ALX4: variants seen among roughly 807,000 people sequenced by gnomAD.
The protein encoded by ALX4 is ALX homeobox 4.
A neutral mutation model predicts 40.6 loss-of-function variants in ALX4; 22 were observed. The ratio of observed to expected loss-of-function variants is 0.54; its 90% CI spans 0.39 to 0.77. The LOEUF (loss-of-function observed/expected upper bound fraction) is 0.77, where lower values mean the gene tolerates loss of function less well. Ranked by LOEUF, ALX4 falls within the 30% of genes least tolerant of loss-of-function variation. The pLI is 0.00. For synonymous variants in ALX4, 266 were observed against 240.5 expected (o/e 1.11, Z -0.98); for missense variants, 556 against 564.8 (o/e 0.98, Z 0.16).
chr11:44,282,783 G>T lies in ALX4; in HGVS notation c.467-7125C>A, dbSNP rs1315915264. Among the ~76,000 whole-genome samples, 3 of 151,298 alleles carry T rather than the reference G, an allele frequency of 2.0e-5. No homozygotes were observed. The East Asian group carries it at 5.8e-4, about 29-fold the overall frequency. Reference sequence around the variant, plus strand: ...TGAATTCTGGGAAAGGCAAAACTACGGGGACTCTAGGCAACAGATCACTGG... The same window carrying T: ...TGAATTCTGGGAAAGGCAAAACTACTGGGACTCTAGGCAACAGATCACTGG... On this transcript the variant is annotated intron_variant, in intron 1 of 3. Coordinates refer to ENST00000652299, the MANE Select transcript of ALX4 (RefSeq NM_021926.4).
intron 1 of ALX4, among the ~76,000 whole-genome samples, chr11:44,295,066 G>A (rs1195018969): frequency 2.0e-5 from 3 of 152,044 alleles, no homozygotes; most frequent in Non-Finnish European, 4.4e-5. Flanking sequence ...GGCCAGGCTG[G>A]TCTCAAACTC....
At position 44,292,960 on chromosome 11, in the gene ALX4, G is replaced by A. The variant is rs758906824; in HGVS notation, c.466+16637C>T. ...AAAAAAATTTTTAAATTAGCTGGGC[G>A]TGGTGGCACAAGCCTGTAGTCCCAG... On this transcript the variant is annotated intron_variant, in intron 1 of 3. Transcript: ENST00000652299. 1.9e-3 allele frequency among the ~76,000 whole-genome samples: 291 copies of A among 151,826 alleles called. 1 individual carries two copies. Among genetic ancestry groups the A allele is most frequent in the Non-Finnish European group, 3.0e-3 (201 of 67,930 alleles).
intron 1 of ALX4, among the ~76,000 whole-genome samples, chr11:44,304,198 C>T (rs1391122303): frequency 1.3e-5 from 2 of 152,240 alleles, no homozygotes; most frequent in African/African-American, 4.8e-5. Context: ...ACTGTCACCT[C>T]GGTGAGGACC....
intron 1 of ALX4, among the ~76,000 whole-genome samples, chr11:44,295,573 C>A (rs932048872): frequency 6.6e-6 from 1 of 152,222 alleles, no homozygotes; most frequent in Non-Finnish European, 1.5e-5. Context: ...GGAGCCCCAG[C>A]CCCTGGTTGT....
chr11:44,282,997 A>G (rs1956318056), intron 1 of ALX4, among the ~76,000 whole-genome samples: 2 of 152,172 alleles, frequency 1.3e-5, no homozygotes, highest in Admixed American at 6.5e-5. Context: ...TAATCTTAGC[A>G]CTTTGAGAGG....
chr11:44,265,383 G>C (rs1956207746), intron 3 of ALX4, among the ~76,000 whole-genome samples, 200 bp from the exon 4 acceptor site: 1 of 152,136 alleles, frequency 6.6e-6, no homozygotes. Flanking sequence ...CCAGGGCCAG[G>C]CTAGCAGCAG....
In ALX4 at chr11:44,264,543, C is replaced by T. The variant is rs1360636928; in HGVS notation, c.*311G>A. ...CAACTAGGCAGAGCAGAGGAGTGGG[C>T]GGGAGCAAGAAAGCGCTTTCAGCTT... On this transcript the variant is annotated 3_prime_UTR_variant, in exon 4 of 4. Transcript: ENST00000652299. The T allele has an allele frequency of 1.1e-5, 5 of 470,636 alleles. No individual in the cohort carries two copies. The highest frequency in any genetic ancestry group is 3.9e-5 in the African/African-American group (2 of 51,456). The allele number at this position is 470,636 out of a possible 1,614,324, so 29.2% of individuals were successfully genotyped here.
intron 1 of ALX4, among the ~76,000 whole-genome samples, chr11:44,309,233 C>T (rs1590707528): frequency 1.3e-5 from 1 of 79,058 alleles, no homozygotes; most frequent in African/African-American, 3.8e-5. Flanking sequence ...CAGCCCAGCG[C>T]CAGAGCGCTG....
At chr11:44,273,237 A>C (rs1295818316) in intron 2 of ALX4, among the ~76,000 whole-genome samples, 2 of 149,536 alleles carry the variant, frequency 1.3e-5, no homozygotes, top group Non-Finnish European at 3.0e-5. Context: ...GAAGCTATTG[A>C]TTTTTCTGGC....
At chr11:44,286,641 G>A (rs556094099) in intron 1 of ALX4, among the ~76,000 whole-genome samples, 7 of 152,200 alleles carry the variant, frequency 4.6e-5, no homozygotes, top group South Asian at 2.1e-4. Flanking sequence ...CCTACTACGC[G>A]TCTGCCACCA....
intron 1 of ALX4, among the ~76,000 whole-genome samples, chr11:44,283,104 G>T (rs774009255): frequency 6.6e-6 from 1 of 151,924 alleles, no homozygotes; most frequent in Non-Finnish European, 1.5e-5. Flanking sequence ...AAAATTCGTC[G>T]GGCATGGTGG....
intron 2 of ALX4, among the ~76,000 whole-genome samples, chr11:44,271,163 C>CCA (rs1554944625): frequency 6.6e-6 from 1 of 152,006 alleles, no homozygotes; most frequent in Admixed American, 6.5e-5. Flanking sequence ...CCTTACCCCC[C>CCA]CAGGGCACTG....
chr11:44,272,163 C>G (rs571522712), intron 2 of ALX4, among the ~76,000 whole-genome samples: 4 of 152,314 alleles, frequency 2.6e-5, no homozygotes, highest in African/African-American at 9.6e-5. Context: ...AAAGCCCCAG[C>G]TGCCCTGTCA....
chr11:44,302,504 G>A (rs1956440359), intron 1 of ALX4, among the ~76,000 whole-genome samples: 2 of 152,190 alleles, frequency 1.3e-5, no homozygotes, highest in South Asian at 4.1e-4. Flanking sequence ...CACTTGGAAG[G>A]ACATAAGCCG....
intron 1 of ALX4, among the ~76,000 whole-genome samples, chr11:44,279,371 C>T (rs1340613340): frequency 2.0e-5 from 3 of 152,152 alleles, no homozygotes; most frequent in Non-Finnish European, 4.4e-5. Context: ...TGAGTTTCTC[C>T]GGCCTGTGTG....
chr11:44,300,631 C>CCT (rs1343389467), intron 1 of ALX4, among the ~76,000 whole-genome samples: 2 of 152,208 alleles, frequency 1.3e-5, no homozygotes, highest in African/African-American at 2.4e-5. Context: ...AGACACACTA[C>CCT]CTCTCTCCAT....
chr11:44,297,971 A>G (rs1590702241), intron 1 of ALX4, among the ~76,000 whole-genome samples: 1 of 152,106 alleles, frequency 6.6e-6, no homozygotes, highest in South Asian at 2.1e-4. Flanking sequence ...GCCCCAATCC[A>G]TTCACCTTCC....
At chr11:44,280,267 G>A (rs534311641) in intron 1 of ALX4, among the ~76,000 whole-genome samples, 3 of 152,270 alleles carry the variant, frequency 2.0e-5, no homozygotes, top group Non-Finnish European at 2.9e-5. Context: ...TCATAGGGGC[G>A]GCTCCAGAAT....
intron 1 of ALX4, among the ~76,000 whole-genome samples, chr11:44,305,838 C>A (rs1216180956): frequency 6.6e-6 from 1 of 152,214 alleles, no homozygotes; most frequent in Non-Finnish European, 1.5e-5. Context: ...CTGTCGCCAC[C>A]GAATCGAAAG....
Sources: allele counts gnomAD v4.1 joint callset (sites outside exome capture counted in the v4.1 genomes callset), GRCh38; gene constraint gnomAD v4.1.1; transcripts MANE v1.5; gene names NCBI Gene and HGNC (gene_info 2026-07-23, HGNC 2026-07-21).